Variants in F8 observed in about 807,000 individuals in gnomAD.
The protein encoded by F8 is coagulation factor VIII.
F8 carries 12 observed loss-of-function variants against 140.6 expected under a neutral mutation model. The ratio of observed to expected loss-of-function variants is 0.09; its 90% CI spans 0.05 to 0.14. The LOEUF is 0.14. F8 is among the 10% of genes least tolerant of loss of function. F8 has a pLI of 1.00. For synonymous variants in F8, 585 were observed against 614.6 expected (o/e 0.95, Z 0.71); for missense variants, 1,354 against 1,720.7 (o/e 0.79, Z 3.77).
chrX:154,959,574 G>A (rs1348735520), intron 10 of F8, among the ~76,000 whole-genome samples: 1 of 111,823 alleles, frequency 8.9e-6, no homozygotes, highest in Non-Finnish European at 1.9e-5. Context: ...GAAAATAGAT[G>A]TCATTGTTGA....
Position 154,873,813 on chromosome X carries a change from C to T in F8, c.6430-10586G>A, listed in dbSNP as rs1202812452. On this transcript the variant is annotated intron_variant, in intron 22 of 25. Transcript: ENST00000360256. Reference sequence around the variant, plus strand: ...ACATGCAGAAGAAAGAAATTGGGCCCTTTTCTCACACTATACATAAAATTC... The same window carrying T: ...ACATGCAGAAGAAAGAAATTGGGCCTTTTTCTCACACTATACATAAAATTC... Among the ~76,000 whole-genome samples, 5 of 111,530 alleles carry T rather than the reference C, an allele frequency of 4.5e-5. No individual in the cohort carries two copies. The East Asian group carries it at 1.4e-3, about 31-fold the overall frequency.
In F8 at chrX:154,929,412, T is replaced by C; in HGVS notation, c.4378A>G (p.Asn1460Asp). Residue 1460 changes from asparagine to aspartate, a missense_variant, in exon 14 of 26, where the codon AAT (asparagine) becomes GAT (aspartate). Around this residue, in one of 4 missense-constraint regions of F8, gnomAD observed 658 missense variants for 666.5 expected, o/e 0.99. Coordinates refer to ENST00000360256, the MANE Select transcript of F8 (RefSeq NM_000132.4). The stretch of plus-strand genomic sequence containing the variant: ...GTTAGAATGGCTAAAGAAAGGTTAT[T>C]TTTTTTGGCTCCTTGTAAGAAATGA... ...SSHFLQGAKK[N>D]NLSLAILTLE... 8.3e-7 allele frequency: 1 copy of C among 1,211,310 alleles called. No individual in the cohort carries two copies. The highest frequency in any genetic ancestry group is 1.1e-6 in the Non-Finnish European group (1 of 895,286).
At chrX:155,000,238 G>C (rs186907647) in intron 1 of F8, among the ~76,000 whole-genome samples, 4 of 112,257 alleles carry the variant, frequency 3.6e-5, no homozygotes, top group Non-Finnish European at 7.5e-5. Context: ...CTCCCTGCAT[G>C]ACAGTTTAGC....
rs147629393 is a variant in F8 at position 154,928,873 on chromosome X, G to A, written c.4917C>T (p.Pro1639=). The A allele has an allele frequency of 2.6e-5, 31 of 1,209,780 alleles. No homozygotes were observed. The highest frequency in any genetic ancestry group is 2.3e-4 in the Middle Eastern group (1 of 4,376). Residue 1639 remains proline (P), a synonymous_variant, in exon 14 of 26, where the codon CCC becomes CCT. Coordinates refer to ENST00000360256, the MANE Select transcript of F8 (RefSeq NM_000132.4). ...IAAINEGQNK[P]EIEVTWAKQG... ...GCTTTGCCCAGGTGACTTCTATTTC[G>A]GGCTTATTTTGTCCCTCATTTATTG...
In F8 at chrX:154,860,993, G is replaced by A. The variant is rs782752557; in HGVS notation, c.6724-385C>T. ...ATTACAGGCGTGAGCCACTCTGCCC[G>A]GCCTCCTTCCTTCCTTCCTTTCTTT... On this transcript the variant is annotated intron_variant, in intron 24 of 25. Coordinates refer to ENST00000360256, the MANE Select transcript of F8 (RefSeq NM_000132.4). Among the ~76,000 whole-genome samples the A allele has an allele frequency of 4.5e-5, 5 of 110,137 alleles. No homozygotes were observed. The East Asian group carries it at 8.5e-4, about 19-fold the overall frequency.
At chrX:154,971,232 T>G (rs1256444019) in intron 6 of F8, among the ~76,000 whole-genome samples, 2 of 111,919 alleles carry the variant, frequency 1.8e-5, no homozygotes, top group African/African-American at 6.5e-5. Flanking sequence ...TTTACAATAT[T>G]GCTTAATTAT....
chrX:154,917,940 C>T (rs1317251140), intron 14 of F8, among the ~76,000 whole-genome samples: 3 of 111,890 alleles, frequency 2.7e-5, no homozygotes, highest in Non-Finnish European at 5.6e-5. Flanking sequence ...CATGCTGTTT[C>T]CATTTGGAGA....
intron 6 of F8, among the ~76,000 whole-genome samples, chrX:154,980,895 C>G (rs1569559935): frequency 9.0e-6 from 1 of 111,447 alleles, no homozygotes; most frequent in African/African-American, 3.3e-5. Flanking sequence ...TGAGCCCAGC[C>G]AGGAGTTCAA....
At chrX:154,902,366 C>A (rs2073014734) in intron 18 of F8, among the ~76,000 whole-genome samples, 199 bp from the exon 19 acceptor site, 1 of 111,304 alleles carries the variant, frequency 9.0e-6, no homozygotes, top group Non-Finnish European at 1.9e-5. Flanking sequence ...CCACTCCCCT[C>A]CCCCCAGGAG....
intron 25 of F8, among the ~76,000 whole-genome samples, chrX:154,844,018 GT>G (rs2072543570): frequency 1.8e-5 from 2 of 111,728 alleles, no homozygotes; most frequent in African/African-American, 6.5e-5. Flanking sequence ...TGGCTAGCCA[GT>G]TTTCCCAGCA....
Position 154,928,594 on chromosome X carries a change from G to C in F8, c.5196C>G (p.Ser1732Arg). 1 of 1,209,403 alleles carries C rather than the reference G, an allele frequency of 8.3e-7. No individual in the cohort carries two copies. Among genetic ancestry groups the C allele is most frequent in the Non-Finnish European group, 1.1e-6 (1 of 893,290 alleles). Residue 1732 changes from serine (S) to arginine (R), a missense_variant, in exon 14 of 26, where the codon AGC becomes AGG. Ser to Arg is a moderately radical substitution (Grantham distance 110). This residue lies in a region of F8 where 316 missense variants were observed against 485.4 expected (regional missense o/e 0.65). Transcript: ENST00000360256. ...VERLWDYGMS[S>R]SPHVLRNRAQ... ...ACCTGTTTCTTAGAACATGTGGGGA[G>C]CTACTCATCCCATAATCCCAGAGCC...
chrX:154,954,806 T>C (rs1305007906), intron 11 of F8, among the ~76,000 whole-genome samples: 1 of 111,817 alleles, frequency 8.9e-6, no homozygotes, highest in Non-Finnish European at 1.9e-5. Context: ...AAAACTATAG[T>C]TAGGAAAAAT....
chrX:154,919,760 T>C (rs782425414), intron 14 of F8: 1 of 316,044 alleles, frequency 3.2e-6, no homozygotes, highest in Admixed American at 4.2e-5. Flanking sequence ...TCACAATATT[T>C]AGCAACTACC....
At chrX:155,016,900 G>A (rs2073737062) in intron 1 of F8, among the ~76,000 whole-genome samples, 2 of 112,425 alleles carry the variant, frequency 1.8e-5, no homozygotes, top group Admixed American at 1.9e-4. Flanking sequence ...CCTGTGGCAG[G>A]TAAAAATTTG....
At chrX:154,850,677 G>A (rs1003654816) in intron 25 of F8, among the ~76,000 whole-genome samples, 9 of 110,220 alleles carry the variant, frequency 8.2e-5, no homozygotes, top group East Asian at 2.8e-4. Flanking sequence ...TCATGTGGTC[G>A]TCCCTCTGTG....
chrX:154,853,305 C>T (rs1421450180), intron 25 of F8, among the ~76,000 whole-genome samples: 1 of 111,024 alleles, frequency 9.0e-6, no homozygotes, highest in Non-Finnish European at 1.9e-5. Context: ...TTTTTTTCAA[C>T]TGCCTAATAA....
chrX:154,990,863 A>G (rs1368352210), intron 4 of F8, among the ~76,000 whole-genome samples: 1 of 111,604 alleles, frequency 9.0e-6, no homozygotes, highest in East Asian at 2.8e-4. Flanking sequence ...GAGTTAATGC[A>G]CAACTTTATG....
chrX:154,930,989 C>T lies in F8; in HGVS notation c.2801G>A (p.Ser934Asn). 1 of 1,194,617 alleles carries T rather than the reference C, an allele frequency of 8.4e-7. No homozygotes were observed. The highest frequency in any genetic ancestry group is 1.9e-5 in the South Asian group (1 of 53,366). ...GCCAAATAGAGTGGTATCTAATTGA[C>T]TATCATAATGAACTGGCATACTTGG... ...GPPSMPVHYD[S>N]QLDTTLFGKK... The change falls in exon 14 of 26, where the codon AGT (serine) becomes AAT (asparagine). Residue 934 changes from serine to asparagine, a missense_variant. Around this residue, in one of 4 missense-constraint regions of F8, gnomAD observed 658 missense variants for 666.5 expected, o/e 0.99. Coordinates refer to ENST00000360256, the MANE Select transcript of F8 (RefSeq NM_000132.4).
At chrX:154,899,730 G>A in intron 21 of F8, 136 bp downstream of exon 21, 1 of 578,986 alleles carries the variant, frequency 1.7e-6, no homozygotes, top group Non-Finnish European at 2.9e-6. Flanking sequence ...GTTCATGACT[G>A]CTTTTGTACA....
Sources: allele counts gnomAD v4.1 joint callset (sites outside exome capture counted in the v4.1 genomes callset), GRCh38; gene constraint gnomAD v4.1.1; regional missense constraint gnomAD v4.1.1; transcripts MANE v1.5; gene names NCBI Gene and HGNC (gene_info 2026-07-23, HGNC 2026-07-21).